TMPRSS2: variants seen among roughly 807,000 people sequenced by gnomAD.
The protein encoded by TMPRSS2 is transmembrane serine protease 2.
In TMPRSS2, 59 loss-of-function variants were observed where a neutral mutation model predicts 67.4. The ratio of observed to expected loss-of-function variants is 0.88; its 90% CI spans 0.71 to 1.09. The LOEUF is 1.09. TMPRSS2 is among the 50% of genes least tolerant of loss of function. TMPRSS2 has a pLI of 0.00. For missense variants in TMPRSS2, 668 were observed against 642.7 expected (o/e 1.04, Z -0.43); for synonymous variants, 257 against 257.0 (o/e 1.00, Z 0.00).
Position 41,466,077 on chromosome 21 carries a change from C to T in TMPRSS2, c.*65G>A, listed in dbSNP as rs141230106. ...ATCATCTCTAAGAGTAAATCATGCA[C>T]GGGGAAGCAAAACCAGCCCCATTGT... On this transcript the variant is annotated 3_prime_UTR_variant, in exon 14 of 14. Transcript: ENST00000332149. The T allele has an allele frequency of 3.7e-4, 586 of 1,587,620 alleles. 3 individuals carry two copies. The East Asian group carries it at 8.5e-3, about 23-fold the overall frequency.
chr21:41,471,141 C>T (rs2091130092), intron 10 of TMPRSS2, among the ~76,000 whole-genome samples: 1 of 152,208 alleles, frequency 6.6e-6, no homozygotes, highest in African/African-American at 2.4e-5. Flanking sequence ...ATATGTGAAC[C>T]ATTTCCCAAT....
chr21:41,500,644 A>T (rs1462253037), intron 1 of TMPRSS2, among the ~76,000 whole-genome samples: 1 of 152,262 alleles, frequency 6.6e-6, no homozygotes, highest in Non-Finnish European at 1.5e-5. Flanking sequence ...AAATACAAGA[A>T]CCAGGTCATG....
chr21:41,466,414 C>A (rs2091084633), intron 13 of TMPRSS2, among the ~76,000 whole-genome samples: 1 of 152,244 alleles, frequency 6.6e-6, no homozygotes, highest in Non-Finnish European at 1.5e-5. Flanking sequence ...CCTCCCCCGG[C>A]TGCTCTCCTG....
chr21:41,477,218 C>T (rs1456681714), intron 7 of TMPRSS2, among the ~76,000 whole-genome samples: 2 of 152,166 alleles, frequency 1.3e-5, no homozygotes, highest in Admixed American at 6.5e-5. Context: ...GATAGCTGGG[C>T]CGTGTGCTCT....
At chr21:41,472,714 AC>A (rs1244156867) in intron 9 of TMPRSS2, among the ~76,000 whole-genome samples, 2 of 152,232 alleles carry the variant, frequency 1.3e-5, no homozygotes, top group African/African-American at 4.8e-5. Flanking sequence ...GGCTGGGCCA[AC>A]AGTCAAACCC....
chr21:41,505,487 A>G (rs2091451669), intron 1 of TMPRSS2, among the ~76,000 whole-genome samples: 2 of 152,150 alleles, frequency 1.3e-5, no homozygotes, highest in South Asian at 4.1e-4. Flanking sequence ...CTACCTTTTC[A>G]CCTACAGGAC....
intron 3 of TMPRSS2, among the ~76,000 whole-genome samples, chr21:41,493,883 G>A (rs1390068447): frequency 6.6e-6 from 1 of 152,250 alleles, no homozygotes; most frequent in Non-Finnish European, 1.5e-5. Flanking sequence ...AGATACTTCT[G>A]TGTGACAACC....
chr21:41,489,681 C>A (rs2091321943), intron 3 of TMPRSS2, 88 bp from the exon 4 acceptor site: 1 of 788,810 alleles, frequency 1.3e-6, no homozygotes, highest in Non-Finnish European at 2.1e-6. Flanking sequence ...TATAGTACAC[C>A]ACATTAAGAA....
chr21:41,499,530 T>A (rs971401026), intron 1 of TMPRSS2, among the ~76,000 whole-genome samples: 15 of 152,208 alleles, frequency 9.9e-5, no homozygotes, highest in Admixed American at 2.0e-4. Flanking sequence ...CCACAGGTGA[T>A]GTCTGATCAC....
In TMPRSS2 at chr21:41,478,767, C is replaced by T. The variant is rs1305191560; in HGVS notation, c.683+405G>A. Among the ~76,000 whole-genome samples, 3 of 152,290 alleles carry T rather than the reference C, an allele frequency of 2.0e-5. No individual in the cohort carries two copies. The highest frequency in any genetic ancestry group is 6.5e-5 in the Admixed American group (1 of 15,310). ...CTTCCCTTGCTCAAGCCAGTGAAGT[C>T]CCTGGCAAACTGGAATGAGCCGGTC... is the stretch of plus-strand genomic sequence containing the variant. On this transcript the variant is annotated intron_variant, in intron 7 of 13. Transcript: ENST00000332149. This position sits in a 1 kb window ranked among gnomAD's most constrained non-coding sequence, Gnocchi z 4.0.
intron 1 of TMPRSS2, among the ~76,000 whole-genome samples, chr21:41,500,282 T>C (rs1053437048): frequency 1.3e-5 from 2 of 152,222 alleles, no homozygotes; most frequent in African/African-American, 4.8e-5. Flanking sequence ...TAGCATAAAA[T>C]GAGTGCTATA....
At chr21:41,469,014 T>C (rs1007595357) in intron 11 of TMPRSS2, among the ~76,000 whole-genome samples, 1 of 152,130 alleles carries the variant, frequency 6.6e-6, no homozygotes, top group Admixed American at 6.5e-5. Context: ...CGGCCTGCAC[T>C]TGCCACCTCT....
Position 41,489,571 on chromosome 21 carries a change from G to A in TMPRSS2, c.261C>T (p.Ile87=), listed in dbSNP as rs2146469591. 1 of 1,614,180 alleles carries A rather than the reference G, an allele frequency of 6.2e-7. No individual in the cohort carries two copies. Among genetic ancestry groups the A allele is most frequent in the Non-Finnish European group, 8.5e-7 (1 of 1,180,002 alleles). ...CTSKTKKALC[I]TLTLGTFLVG... ...CGAGGAAGGTCCCCAGGGTCAAGGT[G>A]ATGCACAGTGCTTTCTTAGTCTCTG... is the stretch of plus-strand genomic sequence containing the variant. The change falls in exon 4 of 14, where the codon ATC becomes ATT. Residue 87 remains isoleucine, a synonymous_variant. Transcript: ENST00000332149.
intron 2 of TMPRSS2, 68 bp from the exon 3 acceptor site, chr21:41,494,646 A>G: frequency 7.4e-7 from 1 of 1,357,050 alleles, no homozygotes; most frequent in Non-Finnish European, 1.0e-6. Context: ...CATACAAACT[A>G]TCACATCATA....
At chr21:41,488,601 G>A in intron 4 of TMPRSS2, 88 bp from the exon 5 acceptor site, 1 of 1,413,532 alleles carries the variant, frequency 7.1e-7, no homozygotes, top group Non-Finnish European at 9.6e-7. Context: ...CATTACTGTA[G>A]CTCGCTGCAG....
At chr21:41,503,342 A>T (rs1216384847) in intron 1 of TMPRSS2, among the ~76,000 whole-genome samples, 1 of 152,194 alleles carries the variant, frequency 6.6e-6, no homozygotes, top group Non-Finnish European at 1.5e-5. Context: ...CACCACACAC[A>T]AGCCACTGGC....
At chr21:41,480,795 C>T (rs1181456418) in intron 5 of TMPRSS2, among the ~76,000 whole-genome samples, 193 bp from the exon 6 acceptor site, 1 of 152,138 alleles carries the variant, frequency 6.6e-6, no homozygotes, top group Non-Finnish European at 1.5e-5. Flanking sequence ...TCCACCACCC[C>T]GTCCAGTTAA....
chr21:41,478,712 G>A lies in TMPRSS2; in HGVS notation c.683+460C>T, dbSNP rs2146448709. On this transcript the variant is annotated intron_variant, in intron 7 of 13. Coordinates refer to ENST00000332149, the MANE Select transcript of TMPRSS2 (RefSeq NM_005656.4). The surrounding 1 kb of genome is among the most constrained non-coding windows in gnomAD (Gnocchi z 4.0). ...CCCGGGGTTGGGGCTAACGGGACCAGCCAGCCCAGCTGCCTGGAATGGAGC... is the reference window on the plus strand; with the variant it reads ...CCCGGGGTTGGGGCTAACGGGACCAACCAGCCCAGCTGCCTGGAATGGAGC... Among the ~76,000 whole-genome samples, 1 of 152,232 alleles carries A rather than the reference G, an allele frequency of 6.6e-6. No individual in the cohort carries two copies. Among genetic ancestry groups the A allele is most frequent in the African/African-American group, 2.4e-5 (1 of 41,524 alleles).
chr21:41,494,275 G>T, intron 3 of TMPRSS2, 81 bp downstream of exon 3: 1 of 1,449,102 alleles, frequency 6.9e-7, no homozygotes, highest in Non-Finnish European at 9.5e-7. Context: ...CGACAGTGGT[G>T]TTGGGAGCAG....
Sources: gnomAD v4.1 joint callset for allele counts (sites outside exome capture counted in the v4.1 genomes callset) on GRCh38, gnomAD v4.1.1 for gene constraint, Gnocchi (gnomAD v3.1) non-coding constraint, MANE v1.5 for transcripts, NCBI Gene and HGNC (gene_info 2026-07-23, HGNC 2026-07-21) for gene names.